Variants in SAMD5 observed in about 807,000 individuals in gnomAD.
SAMD5 encodes the protein sterile alpha motif domain containing 5, also known as sterile alpha motif domain-containing protein 5.
SAMD5 carries 13 observed loss-of-function variants against 11.3 expected under a neutral mutation model. That is an observed-to-expected ratio of 1.15 (90% CI 0.75 to 1.83). SAMD5 has a LOEUF of 1.83. Ranked by LOEUF, SAMD5 falls within the 40% of genes most tolerant of loss-of-function variation. The pLI is 0.00. For missense variants in SAMD5, 255 were observed against 239.1 expected, an observed-to-expected ratio of 1.07 and a Z score of -0.44; for synonymous variants, 129 against 111.3, an observed-to-expected ratio of 1.16 and a Z score of -1.00.
chr6:147,513,716 T>A (rs2128439162), intron 1 of SAMD5, among the ~76,000 whole-genome samples: 1 of 152,010 alleles, frequency 6.6e-6, no homozygotes, highest in African/African-American at 2.4e-5. Flanking sequence ...GGGTCAATAG[T>A]GTGGAGAGAT....
intron 1 of SAMD5, among the ~76,000 whole-genome samples, chr6:147,546,236 G>A (rs891162212): frequency 1.3e-5 from 2 of 152,120 alleles, no homozygotes; most frequent in Non-Finnish European, 2.9e-5. Context: ...TGATTTTTAA[G>A]ACTGAGGCCT....
intron 1 of SAMD5, among the ~76,000 whole-genome samples, chr6:147,539,507 T>G (rs536019619): frequency 6.6e-6 from 1 of 152,172 alleles, no homozygotes; most frequent in African/African-American, 2.4e-5. Context: ...GATATCACAG[T>G]GCAAAACAGA....
chr6:147,732,108 T>C (rs927318755), intron 1 of SAMD5, among the ~76,000 whole-genome samples: 2 of 152,144 alleles, frequency 1.3e-5, no homozygotes, highest in Non-Finnish European at 2.9e-5. Context: ...ATTATTGGAA[T>C]GCAGTGTACT....
the SAMD5 span, among the ~76,000 whole-genome samples, chr6:147,845,203 TA>T: frequency 1.3e-5 from 2 of 150,552 alleles, no homozygotes; most frequent in African/African-American, 4.9e-5. Flanking sequence ...ACATTCATCC[TA>T]AAAAAAAATT....
the SAMD5 span, among the ~76,000 whole-genome samples, chr6:147,794,866 CG>C: frequency 6.6e-6 from 1 of 151,904 alleles, no homozygotes; most frequent in Non-Finnish European, 1.5e-5. Context: ...ATACTAATAC[CG>C]AAAGCTTTGA....
chr6:147,693,108 C>T (rs749829738), intron 1 of SAMD5, among the ~76,000 whole-genome samples: 1 of 152,210 alleles, frequency 6.6e-6, no homozygotes, highest in Non-Finnish European at 1.5e-5. Flanking sequence ...TACACAAGGC[C>T]TGGGCCAGGA....
At chr6:147,656,301 A>G (rs1377279764) in intron 1 of SAMD5, among the ~76,000 whole-genome samples, 3 of 152,190 alleles carry the variant, frequency 2.0e-5, no homozygotes, top group Admixed American at 6.5e-5. Context: ...CTCTTTAAAA[A>G]TCCCTATACA....
the SAMD5 span, among the ~76,000 whole-genome samples, chr6:147,753,415 A>G: frequency 6.6e-6 from 1 of 152,182 alleles, no homozygotes; most frequent in Non-Finnish European, 1.5e-5. Flanking sequence ...TTAGTACAAC[A>G]TTAACATTTG....
At chr6:147,531,936 G>C (rs909172586) in intron 1 of SAMD5, among the ~76,000 whole-genome samples, 4 of 152,050 alleles carry the variant, frequency 2.6e-5, no homozygotes, top group African/African-American at 9.7e-5. Context: ...ATTTCTCTTG[G>C]AGAAGATAAA....
the SAMD5 span, among the ~76,000 whole-genome samples, chr6:147,910,438 C>A: frequency 6.6e-6 from 1 of 152,148 alleles, no homozygotes; most frequent in African/African-American, 2.4e-5. Flanking sequence ...TCTCTCCGGG[C>A]GCAGCGGTGC....
intron 1 of SAMD5, among the ~76,000 whole-genome samples, chr6:147,670,120 C>G (rs1301285145): frequency 1.3e-5 from 2 of 152,214 alleles, no homozygotes; most frequent in Non-Finnish European, 2.9e-5. Context: ...TCCATCAGAG[C>G]TCTTGGATGA....
chr6:147,508,833 C>A lies in SAMD5; in HGVS notation c.-96C>A. The A allele has an allele frequency of 6.7e-7, 1 of 1,487,218 alleles. No individual in the cohort carries two copies. The highest frequency in any genetic ancestry group is 8.9e-7 in the Non-Finnish European group (1 of 1,123,616). 92.1% of individuals were successfully genotyped at this position (1,487,218 alleles called of 1,614,324 possible). On this transcript the variant is annotated 5_prime_UTR_variant, in exon 1 of 2. Transcript: ENST00000367474. ...AAAACTTTACTGCGATACCCTTTTC[C>A]CCTTGGAGGAGAGGATTAAAAGTTC...
chr6:147,888,426 G>A, the SAMD5 span, among the ~76,000 whole-genome samples: 2 of 151,960 alleles, frequency 1.3e-5, no homozygotes, highest in African/African-American at 2.4e-5. Flanking sequence ...CTGGGAAAAG[G>A]GCTGCATTTG....
chr6:147,933,946 G>A, the SAMD5 span, among the ~76,000 whole-genome samples: 12,697 of 152,242 alleles, frequency 0.083, 650 homozygotes, highest in Non-Finnish European at 0.12. Flanking sequence ...ATGCTGTCAC[G>A]TAACTTAATA....
the SAMD5 span, among the ~76,000 whole-genome samples, chr6:147,946,019 C>T: frequency 6.6e-6 from 1 of 152,182 alleles, no homozygotes; most frequent in Non-Finnish European, 1.5e-5. Flanking sequence ...TTTCTTCCCA[C>T]AACTTTCTTA....
the SAMD5 span, among the ~76,000 whole-genome samples, chr6:147,879,679 T>C: frequency 1.3e-5 from 2 of 152,252 alleles, no homozygotes; most frequent in Non-Finnish European, 2.9e-5. Context: ...TGAAAAGCAA[T>C]GGGGGATTGG....
chr6:147,762,734 G>C, the SAMD5 span, among the ~76,000 whole-genome samples: 1 of 152,070 alleles, frequency 6.6e-6, no homozygotes, highest in Non-Finnish European at 1.5e-5. Flanking sequence ...GTAGAGCTTA[G>C]GTCTCCTTAT....
chr6:147,742,266 T>C (rs1791890583), downstream of SAMD5, among the ~76,000 whole-genome samples: 1 of 152,120 alleles, frequency 6.6e-6, no homozygotes, highest in Non-Finnish European at 1.5e-5. Flanking sequence ...GTGTGTGTTG[T>C]GTGTGTTTGT....
At chr6:147,800,522 G>C in the SAMD5 span, among the ~76,000 whole-genome samples, 1 of 152,218 alleles carries the variant, frequency 6.6e-6, no homozygotes. Flanking sequence ...CTGTCTCTTT[G>C]TTTGTCTGTG....
Sources: allele counts gnomAD v4.1 joint callset (sites outside exome capture counted in the v4.1 genomes callset), GRCh38; gene constraint gnomAD v4.1.1; transcripts MANE v1.5; gene names NCBI Gene and HGNC (gene_info 2026-07-23, HGNC 2026-07-21).